The following SAMD12 variants were observed in gnomAD, a reference collection of about 807,000 sequenced individuals.
SAMD12 encodes the protein sterile alpha motif domain-containing protein 12.
A neutral mutation model predicts 15.0 loss-of-function variants in SAMD12; 9 were observed. The ratio of observed to expected loss-of-function variants is 0.60; its 90% confidence interval spans 0.36 to 1.05. The LOEUF (loss-of-function observed/expected upper bound fraction) is 1.05. Ranked by LOEUF, SAMD12 falls within the 50% of genes least tolerant of loss-of-function variation. The probability of loss-of-function intolerance (pLI) is 0.01; values close to 1 mark genes in which losing one functional copy is unlikely to be tolerated. For synonymous variants in SAMD12, 86 were observed against 90.1 expected, an observed-to-expected ratio of 0.96 and a Z score of 0.25; for missense variants, 230 against 234.2, an observed-to-expected ratio of 0.98 and a Z score of 0.12.
In SAMD12 at chr8:118,543,756, C is replaced by T. The variant is rs186113022; in HGVS notation, c.192+36959G>A. Among the ~76,000 whole-genome samples the T allele has an allele frequency of 1.3e-3, 204 of 151,852 alleles. 1 individual carries two copies. The highest frequency in any genetic ancestry group is 4.7e-3 in the African/African-American group (194 of 41,388). ...CAAAAGTTTAGATACCCCTGTCCTTCACCAATAAAGTCTTCCTTCAGAATA... is the reference window on the plus strand; with the variant it reads ...CAAAAGTTTAGATACCCCTGTCCTTTACCAATAAAGTCTTCCTTCAGAATA... On this transcript the variant is annotated intron_variant, in intron 2 of 3. Coordinates refer to ENST00000314727, the MANE Select transcript of SAMD12 (RefSeq NM_207506.3).
intron 4 of SAMD12, among the ~76,000 whole-genome samples, chr8:118,244,189 C>T (rs949847713): frequency 8.5e-5 from 13 of 152,108 alleles, no homozygotes; most frequent in African/African-American, 3.1e-4. Flanking sequence ...TATAAAGGTG[C>T]TAATTCATTT....
chr8:118,372,011 GTGT>G (rs1298286430), intron 4 of SAMD12, among the ~76,000 whole-genome samples: 1 of 152,150 alleles, frequency 6.6e-6, no homozygotes, highest in Non-Finnish European at 1.5e-5. Flanking sequence ...CAGAAGAACT[GTGT>G]TGAAGAGAAC....
rs564628408 is a variant in SAMD12, at chr8:118,504,660, G to A, written c.193-64699C>T. On this transcript the variant is annotated intron_variant, in intron 2 of 3. Coordinates refer to ENST00000314727, the MANE Select transcript of SAMD12 (RefSeq NM_207506.3). ...TGAGACCATCCCGGATTGTCCTGGT[G>A]GGCCCCAAATCCAATGACAAGTGTC... Among the ~76,000 whole-genome samples the A allele has an allele frequency of 3.9e-5, 6 of 152,270 alleles. No individual in the cohort carries two copies. The South Asian group carries it at 1.2e-3, about 32-fold the overall frequency.
chr8:118,217,826 C>T (rs905201601), intron 4 of SAMD12, among the ~76,000 whole-genome samples: 1 of 152,216 alleles, frequency 6.6e-6, no homozygotes, highest in Non-Finnish European at 1.5e-5. Context: ...ATGCCCTTCA[C>T]AAATCAGCTC....
At chr8:118,155,098 T>A in the SAMD12 span, among the ~76,000 whole-genome samples, 1 of 151,588 alleles carries the variant, frequency 6.6e-6, no homozygotes, top group Non-Finnish European at 1.5e-5. Context: ...TAATTCTGAA[T>A]ATATATATAT....
In SAMD12 at chr8:118,576,328, G is replaced by C. The variant is rs578257899; in HGVS notation, c.192+4387C>G. ...AGTGGCTATTGTATTGAACAATGGA[G>C]GTGAAAAGTAAATCCATGCTACTCA... is the stretch of plus-strand genomic sequence containing the variant. On this transcript the variant is annotated intron_variant, in intron 2 of 3. Transcript: ENST00000314727. Among the ~76,000 whole-genome samples, 4 of 152,238 alleles carry C rather than the reference G, an allele frequency of 2.6e-5. No individual in the cohort carries two copies. The South Asian group carries it at 6.2e-4, about 24-fold the overall frequency.
intron 4 of SAMD12, among the ~76,000 whole-genome samples, chr8:118,309,323 C>T (rs945369899): frequency 7.9e-5 from 12 of 151,216 alleles, no homozygotes; most frequent in South Asian, 4.2e-4. Flanking sequence ...GCCATTATTT[C>T]GTTCTTTCTT....
chr8:118,185,884 C>T (rs1006402122), downstream of SAMD12, among the ~76,000 whole-genome samples: 9 of 152,140 alleles, frequency 5.9e-5, no homozygotes, highest in Non-Finnish European at 1.0e-4. Context: ...GTTTCCATCT[C>T]CCTCTCAGGG....
At chr8:118,457,318 A>G (rs983466272) in intron 2 of SAMD12, among the ~76,000 whole-genome samples, 2 of 150,224 alleles carry the variant, frequency 1.3e-5, no homozygotes, top group African/African-American at 4.9e-5. Flanking sequence ...GCAGCCTCAA[A>G]CTCCTGGGCT....
intron 4 of SAMD12, among the ~76,000 whole-genome samples, chr8:118,356,953 G>C (rs1818258066): frequency 6.6e-6 from 1 of 152,214 alleles, no homozygotes; most frequent in African/African-American, 2.4e-5. Flanking sequence ...CTCTGGCTAT[G>C]ACCTCAGTTT....
In SAMD12 at chr8:118,379,170, C is replaced by T. The variant is rs17749211; in HGVS notation, c.*247G>A. Reference sequence around the variant, plus strand: ...AATGCTAAAGCGCCCTCACAATTGGCGCAGGTGAAGATAGCTACAGCTGGA... The same window carrying T: ...AATGCTAAAGCGCCCTCACAATTGGTGCAGGTGAAGATAGCTACAGCTGGA... On this transcript the variant is annotated 3_prime_UTR_variant, in exon 4 of 4. Transcript: ENST00000314727. 0.06 allele frequency: 73,306 copies of T among 1,227,446 alleles called. 2,789 individuals carry two copies. The highest frequency in any genetic ancestry group is 0.19 in the Admixed American group (5,093 of 26,390). The allele number at this position is 1,227,446 out of a possible 1,614,324, so 76.0% of individuals were successfully genotyped here.
intron 4 of SAMD12, among the ~76,000 whole-genome samples, chr8:118,296,068 G>A (rs532703376): frequency 5.3e-5 from 8 of 152,218 alleles, no homozygotes; most frequent in South Asian, 2.1e-4. Flanking sequence ...TAAAATGACC[G>A]TAACTGAGCA....
At chr8:118,498,797 T>C (rs1158888478) in intron 2 of SAMD12, among the ~76,000 whole-genome samples, 3 of 152,210 alleles carry the variant, frequency 2.0e-5, no homozygotes, top group East Asian at 1.9e-4. Context: ...AATACCTACA[T>C]GGCACCTATT....
chr8:118,371,399 A>G (rs1004353164), intron 4 of SAMD12, among the ~76,000 whole-genome samples: 1 of 152,094 alleles, frequency 6.6e-6, no homozygotes, highest in Non-Finnish European at 1.5e-5. Context: ...AGAGCTGAAG[A>G]GGAATGAATT....
the SAMD12 span, among the ~76,000 whole-genome samples, chr8:118,146,567 G>T: frequency 6.6e-6 from 1 of 152,210 alleles, no homozygotes; most frequent in African/African-American, 2.4e-5. Context: ...CTATGAGGAA[G>T]AATAACATTC....
intron 4 of SAMD12, among the ~76,000 whole-genome samples, chr8:118,247,057 G>A (rs1378349610): frequency 1.3e-5 from 2 of 152,106 alleles, no homozygotes; most frequent in African/African-American, 4.8e-5. Context: ...AAGATTACAG[G>A]AAGCAAGACT....
the SAMD12 span, among the ~76,000 whole-genome samples, chr8:118,165,629 T>TACAC: frequency 0.19 from 24,594 of 129,092 alleles, 2,808 homozygotes; most frequent in Non-Finnish European, 0.25. Context: ...TATATATATA[T>TACAC]ATATATACAT....
At chr8:118,300,698 C>A (rs764367980) in intron 4 of SAMD12, among the ~76,000 whole-genome samples, 1 of 152,174 alleles carries the variant, frequency 6.6e-6, no homozygotes, top group Non-Finnish European at 1.5e-5. Flanking sequence ...GCCCTTCAGG[C>A]GATTCCAATG....
chr8:118,377,405 C>T (rs766821571), downstream of SAMD12, among the ~76,000 whole-genome samples: 2 of 151,792 alleles, frequency 1.3e-5, no homozygotes, highest in Non-Finnish European at 2.9e-5. Context: ...CTTGAAAAAA[C>T]CAAAACCAAA....
Sources: allele counts gnomAD v4.1 joint callset (sites outside exome capture counted in the v4.1 genomes callset), GRCh38; gene constraint gnomAD v4.1.1; transcripts MANE v1.5; gene names NCBI Gene and HGNC (gene_info 2026-07-23, HGNC 2026-07-21).